Variants in ARHGEF12 observed in about 807,000 individuals in gnomAD.
The protein encoded by ARHGEF12 is KMT2A/ARHGEF12 fusion protein.
A neutral mutation model predicts 211.2 loss-of-function variants in ARHGEF12; 66 were observed. The observed-to-expected ratio is 0.31, with a 90% CI of 0.26 to 0.38. ARHGEF12 has a LOEUF of 0.38. ARHGEF12 is among the 10% of genes least tolerant of loss of function. The pLI is 1.00. For synonymous variants in ARHGEF12, 592 were observed against 638.4 expected, an observed-to-expected ratio of 0.93 and a Z score of 1.09; for missense variants, 1,429 against 1,869.5, an observed-to-expected ratio of 0.76 and a Z score of 4.34.
At chr11:120,407,096 A>G (rs925143468) in intron 2 of ARHGEF12, among the ~76,000 whole-genome samples, 15 of 152,196 alleles carry the variant, frequency 9.9e-5, no homozygotes, top group Admixed American at 3.9e-4. Flanking sequence ...CCAGGATCCA[A>G]TGCTAACCTT....
chr11:120,444,814 C>A (rs1291790969), intron 15 of ARHGEF12, among the ~76,000 whole-genome samples: 1 of 152,100 alleles, frequency 6.6e-6, no homozygotes, highest in African/African-American at 2.4e-5. Context: ...TAAGTAAATT[C>A]TAAGATAGTC....
chr11:120,347,175 CCTTCCTTCCTTT>C (rs1490011478), intron 1 of ARHGEF12, among the ~76,000 whole-genome samples: 2 of 62,140 alleles, frequency 3.2e-5, no homozygotes, highest in African/African-American at 1.2e-4. Context: ...TTCCTTCCTT[CCTTCCTTCCTTT>C]CTTTCTTTCT....
intron 8 of ARHGEF12, 138 bp downstream of exon 8, chr11:120,428,385 T>A: frequency 2.8e-6 from 2 of 716,504 alleles, no homozygotes; most frequent in Non-Finnish European, 2.0e-6. Flanking sequence ...ATATAAAAAT[T>A]ACATAATAGG....
At chr11:120,472,245 TA>T (rs200971916) in intron 30 of ARHGEF12, among the ~76,000 whole-genome samples, 3,182 of 152,234 alleles carry the variant, frequency 0.021, 51 homozygotes, top group Non-Finnish European at 0.032. Flanking sequence ...TATCTTGTTT[TA>T]AAAAAGGACA....
chr11:120,352,791 G>A (rs1047612170), intron 1 of ARHGEF12, among the ~76,000 whole-genome samples: 7 of 152,182 alleles, frequency 4.6e-5, no homozygotes, highest in African/African-American at 1.7e-4. Context: ...CTCCCCATAA[G>A]GGGATCTGTT....
At chr11:120,359,854 A>C (rs7941017) in intron 1 of ARHGEF12, among the ~76,000 whole-genome samples, 3 of 152,214 alleles carry the variant, frequency 2.0e-5, no homozygotes, top group African/African-American at 7.2e-5. Flanking sequence ...TGAAGGGATG[A>C]AAGTTGAAAG....
chr11:120,441,538 A>G (rs897970055), intron 13 of ARHGEF12, among the ~76,000 whole-genome samples, 169 bp from the exon 14 acceptor site: 2 of 152,222 alleles, frequency 1.3e-5, no homozygotes, highest in Non-Finnish European at 2.9e-5. Flanking sequence ...GTTCACAGAA[A>G]GAGATTCCAT....
At chr11:120,424,313 C>T in intron 6 of ARHGEF12, 45 bp from the exon 7 acceptor site, 1 of 1,387,672 alleles carries the variant, frequency 7.2e-7, no homozygotes, top group Non-Finnish European at 1.0e-6. Flanking sequence ...TATCCATTGT[C>T]TCAATAGAAT....
At chr11:120,397,162 C>A (rs1944416500) in intron 1 of ARHGEF12, among the ~76,000 whole-genome samples, 1 of 152,220 alleles carries the variant, frequency 6.6e-6, no homozygotes, top group East Asian at 1.9e-4. Context: ...CTACTTTCAA[C>A]ACAAATAGGG....
intron 1 of ARHGEF12, among the ~76,000 whole-genome samples, chr11:120,343,061 A>AT (rs35952422): frequency 1.1e-3 from 168 of 150,434 alleles, no homozygotes; most frequent in African/African-American, 3.3e-3. Context: ...GCTTAGCAGT[A>AT]TTTTTTTTTT....
chr11:120,414,594 A>G lies in ARHGEF12; in HGVS notation c.199+5144A>G, dbSNP rs557093448. 6.6e-4 allele frequency among the ~76,000 whole-genome samples: 101 copies of G among 152,276 alleles called. 1 individual carries two copies. Among genetic ancestry groups the G allele is most frequent in the East Asian group, 5.8e-4 (3 of 5,190 alleles). ...GTCTGGTACAAAAGAATTGCAATAC[A>G]TTTTGATAAGTGCAGTGATAGAGAT... On this transcript the variant is annotated intron_variant, in intron 4 of 40. Coordinates refer to ENST00000397843, the MANE Select transcript of ARHGEF12 (RefSeq NM_015313.3).
chr11:120,363,771 C>G (rs536715052), intron 1 of ARHGEF12, among the ~76,000 whole-genome samples: 1 of 152,154 alleles, frequency 6.6e-6, no homozygotes, highest in African/African-American at 2.4e-5. Flanking sequence ...AGTGGAGGCT[C>G]CCTCTCCTCA....
At chr11:120,435,915 T>C (rs1256459215) in intron 11 of ARHGEF12, among the ~76,000 whole-genome samples, 1 of 152,240 alleles carries the variant, frequency 6.6e-6, no homozygotes, top group Admixed American at 6.5e-5. Context: ...TATAATTTTG[T>C]CAGTATTTCT....
chr11:120,351,430 TATATATATATATATATATATA>T (rs1942947959), intron 1 of ARHGEF12, among the ~76,000 whole-genome samples: 1 of 3,958 alleles, frequency 2.5e-4, no homozygotes, highest in East Asian at 4.9e-3. Flanking sequence ...TATATATATA[TATATATATATATATATATATA>T]TATATTTTTT....
Position 120,441,835 on chromosome 11 carries a change from C to G in ARHGEF12, c.1203+18C>G. On this transcript the variant is annotated intron_variant, in intron 14 of 40. Transcript: ENST00000397843. ...CGACTTTGGTAATATATTTTACAAT[C>G]TAGCAGATTCAGAGTTCTTCTGTTG... The G allele has an allele frequency of 1.1e-5, 18 of 1,602,034 alleles. No individual in the cohort carries two copies. The highest frequency in any genetic ancestry group is 1.5e-5 in the Non-Finnish European group (18 of 1,169,662).
At chr11:120,444,236 A>G (rs1837173753) in intron 15 of ARHGEF12, among the ~76,000 whole-genome samples, 2 of 152,186 alleles carry the variant, frequency 1.3e-5, no homozygotes, top group Admixed American at 1.3e-4. Flanking sequence ...TTCCTAAAAA[A>G]ATGACAATAT....
rs760510138 is a variant in ARHGEF12 at position 120,478,175 on chromosome 11, A to G, written c.3552A>G (p.Glu1184=). The G allele has an allele frequency of 2.5e-6, 4 of 1,613,306 alleles. No individual in the cohort carries two copies. The South Asian group carries it at 3.3e-5, about 13-fold the overall frequency. The change falls in exon 37 of 41, where the codon GAA becomes GAG. Residue 1184 remains glutamate, a synonymous_variant. Transcript: ENST00000397843. ...LQSPDRDLGL[E]STLISSKPQS... ...GGACAGACAGAGATTTGGGATTAGA[A>G]TCTACCTTAATATCGTCAAAACCTC... is the stretch of plus-strand genomic sequence containing the variant.
Position 120,447,007 on chromosome 11 carries a change from A to C in ARHGEF12, c.1511A>C (p.Glu504Ala). 2 of 1,614,250 alleles carry C rather than the reference A, an allele frequency of 1.2e-6. No individual in the cohort carries two copies. Among genetic ancestry groups the C allele is most frequent in the Non-Finnish European group, 8.5e-7 (1 of 1,180,034 alleles). ...AGCGAGCTGACTAAACTTGATGCAG[A>C]GCGAGACAAGGACCGATTGACTTTG... ...AESELTKLDA[E>A]RDKDRLTLEK... The change falls in exon 18 of 41, where the codon GAG becomes GCG. Residue 504 changes from glutamate (E) to alanine (A), a missense_variant. Glu to Ala is a moderately radical substitution (Grantham distance 107, BLOSUM62 -1). This residue lies in a region of ARHGEF12 where 373 missense variants were observed against 467.5 expected (regional missense o/e 0.80). Coordinates refer to ENST00000397843, the MANE Select transcript of ARHGEF12 (RefSeq NM_015313.3).
Position 120,340,325 on chromosome 11 carries a change from A to G in ARHGEF12, c.32+3050A>G, listed in dbSNP as rs1942493834. Among the ~76,000 whole-genome samples, 3 of 152,244 alleles carry G rather than the reference A, an allele frequency of 2.0e-5. No individual in the cohort carries two copies. The South Asian group carries it at 6.2e-4, about 32-fold the overall frequency. ...CCAGTGTCTATAACATTGAATTTTC[A>G]GGGACAGTACAGGTAGGAAAGTTAT... On this transcript the variant is annotated intron_variant, in intron 1 of 40. Coordinates refer to ENST00000397843, the MANE Select transcript of ARHGEF12 (RefSeq NM_015313.3).
Sources: allele counts gnomAD v4.1 joint callset (sites outside exome capture counted in the v4.1 genomes callset), GRCh38; gene constraint gnomAD v4.1.1; regional missense constraint gnomAD v4.1.1; transcripts MANE v1.5; gene names NCBI Gene and HGNC (gene_info 2026-07-23, HGNC 2026-07-21).